Variants in GRIN1 observed in about 807,000 individuals in gnomAD.
GRIN1 encodes the protein glutamate ionotropic receptor NMDA type subunit 1.
In GRIN1, 38 loss-of-function variants were observed where a neutral mutation model predicts 103.0. The observed-to-expected ratio is 0.37, with a 90% CI of 0.28 to 0.48. The LOEUF is 0.48. Among genes scored for constraint, GRIN1 ranks in the 20% least tolerant of loss-of-function variants. GRIN1 has a pLI of 0.98. For synonymous variants in GRIN1, 544 were observed against 532.7 expected, an observed-to-expected ratio of 1.02 and a Z score of -0.29; for missense variants, 577 against 1,288.9, an observed-to-expected ratio of 0.45 and a Z score of 8.46.
At chr9:137,158,291 GAGCAGGGAGAAGC>G in intron 6 of GRIN1, 75 bp from the exon 7 acceptor site, 1 of 1,423,056 alleles carries the variant, frequency 7.0e-7, no homozygotes, top group Non-Finnish European at 9.9e-7. Flanking sequence ...CAGGGGGAAG[GAGCAGGGAGAAGC>G]AGCAGGGGGA....
rs373474323 is a variant in GRIN1 at position 137,155,667 on chromosome 9, G to A, written c.672-1002G>A. ...CCCTGCAGAGAAAGGTCTGACAGAC[G>A]GGGGTGAGGGAAGACCCCCCAAAGG... On this transcript the variant is annotated intron_variant, in intron 4 of 19. Transcript: ENST00000371561. 5.3e-5 allele frequency among the ~76,000 whole-genome samples: 8 copies of A among 152,316 alleles called. No homozygotes were observed. The South Asian group carries it at 8.3e-4, about 16-fold the overall frequency.
rs898374841 is a variant in GRIN1, at chr9:137,164,230, C to T, written c.2589+326C>T. The T allele has an allele frequency of 5.4e-4, 231 of 428,744 alleles. 1 individual carries two copies. The highest frequency in any genetic ancestry group is 2.6e-4 in the Non-Finnish European group (58 of 227,346). 26.6% of individuals were successfully genotyped at this position (428,744 alleles called of 1,614,324 possible). On this transcript the variant is annotated intron_variant, in intron 18 of 19. Coordinates refer to ENST00000371561, the MANE Select transcript of GRIN1 (RefSeq NM_007327.4). ...AATCAGGCAGGGTAAGACAGGGGCC[C>T]GCCTGTGTATGGCACGTGAGTCCAA...
At chr9:137,142,832 C>G (rs573097811) in intron 2 of GRIN1, among the ~76,000 whole-genome samples, 2 of 152,162 alleles carry the variant, frequency 1.3e-5, no homozygotes, top group Admixed American at 1.3e-4. Flanking sequence ...CTGGGGGCTT[C>G]CAGCCTCTAG....
rs1444344405 is a variant in GRIN1 at position 137,168,040 on chromosome 9, G to A, written c.*513G>A. On this transcript the variant is annotated 3_prime_UTR_variant, in exon 20 of 20. Transcript: ENST00000371561. ...GTGCGGACCGGAGCGGCTGAGGACG[G>A]GGCAGAGCTGAGTCGGCTGGGCAGG... 3.2e-6 allele frequency: 2 copies of A among 633,372 alleles called. No homozygotes were observed. The highest frequency in any genetic ancestry group is 5.6e-6 in the Non-Finnish European group (2 of 354,960). 39.2% of individuals were successfully genotyped at this position (633,372 alleles called of 1,614,324 possible). A position where few individuals can be genotyped will look rare whatever the true frequency, so the allele number is the denominator to read the frequency against.
intron 15 of GRIN1, 47 bp downstream of exon 15, chr9:137,163,050 G>T (rs201440873): frequency 4.4e-4 from 683 of 1,557,494 alleles, no homozygotes; most frequent in Non-Finnish European, 5.8e-4. Flanking sequence ...GGTGCGGGGA[G>T]GGGGAGGGTG....
chr9:137,149,745 G>C (rs1832735446), intron 4 of GRIN1, among the ~76,000 whole-genome samples: 1 of 152,200 alleles, frequency 6.6e-6, no homozygotes, highest in South Asian at 2.1e-4. Context: ...GAGTGGGGAA[G>C]GGCAGGGTGA....
chr9:137,167,454 C>A lies in GRIN1; in HGVS notation c.2744C>A (p.Thr915Lys). The part of the protein sequence containing the change: ...GRGALQNQKD[T>K]VLPRRAIERE... ...GGCGCTTTGCAAAACCAAAAAGACA[C>A]AGTGCTGCCGCGACGCGCTATTGAG... Residue 915 changes from threonine to lysine, a missense_variant, in exon 20 of 20, where the codon ACA (threonine) becomes AAA (lysine). Coordinates refer to ENST00000371561, the MANE Select transcript of GRIN1 (RefSeq NM_007327.4). The A allele has an allele frequency of 6.4e-7, 1 of 1,560,082 alleles. No homozygotes were observed.
intron 4 of GRIN1, among the ~76,000 whole-genome samples, chr9:137,152,068 T>C (rs986145077): frequency 2.6e-5 from 4 of 151,614 alleles, no homozygotes; most frequent in East Asian, 3.9e-4. Flanking sequence ...CACCACGCCC[T>C]GCTACTTTTT....
intron 6 of GRIN1, among the ~76,000 whole-genome samples, chr9:137,157,446 C>T (rs1009517324): frequency 6.6e-6 from 1 of 152,172 alleles, no homozygotes; most frequent in Admixed American, 6.5e-5. Flanking sequence ...GGGACTGGCT[C>T]CACTGCCTCC....
chr9:137,165,164 C>T, intron 18 of GRIN1, 22 bp from the exon 19 acceptor site: 1 of 1,514,218 alleles, frequency 6.6e-7, no homozygotes, highest in Non-Finnish European at 9.2e-7. Context: ...GCCATCTAAT[C>T]ACTTATACAT....
intron 7 of GRIN1, 21 bp downstream of exon 7, chr9:137,158,544 G>A: frequency 6.2e-7 from 1 of 1,611,028 alleles, no homozygotes; most frequent in Non-Finnish European, 8.5e-7. Context: ...GTCATGAGGG[G>A]GTGGGGGCTG....
intron 10 of GRIN1, 118 bp from the exon 11 acceptor site, chr9:137,161,806 G>C: frequency 9.5e-7 from 1 of 1,051,670 alleles, no homozygotes; most frequent in East Asian, 2.6e-5. Flanking sequence ...CCTGCGAGCT[G>C]GGTAGGGTCT....
chr9:137,164,892 C>T (rs1833782056), intron 18 of GRIN1: 1 of 443,442 alleles, frequency 2.3e-6, no homozygotes, highest in Admixed American at 3.5e-5. Context: ...CCTCGGGACG[C>T]CTGTAAGCCA....
intron 4 of GRIN1, among the ~76,000 whole-genome samples, chr9:137,155,706 A>G (rs1833179894): frequency 1.3e-5 from 2 of 152,194 alleles, no homozygotes; most frequent in South Asian, 4.1e-4. Context: ...CCAGAGTCCC[A>G]CCAGGTCTCC....
In GRIN1 at chr9:137,168,503, G is replaced by C. The variant is rs890384752; in HGVS notation, c.*976G>C. Reference sequence around the variant, plus strand: ...CCCGGGGGTCCCCGGACGCTGGCTCGGGACTGTCTTCAACCCTGCCCTGCA... The same window carrying C: ...CCCGGGGGTCCCCGGACGCTGGCTCCGGACTGTCTTCAACCCTGCCCTGCA... On this transcript the variant is annotated 3_prime_UTR_variant, in exon 20 of 20. Transcript: ENST00000371561. 1 of 210,188 alleles carries C rather than the reference G, an allele frequency of 4.8e-6. No homozygotes were observed. The highest frequency in any genetic ancestry group is 5.9e-5 in the Admixed American group (1 of 16,828). 13.0% of individuals were successfully genotyped at this position (210,188 alleles called of 1,614,324 possible). A position where few individuals can be genotyped will look rare whatever the true frequency, so the allele number is the denominator to read the frequency against.
rs2131279599 is a variant in GRIN1, at chr9:137,158,410, G to A, written c.1000G>A (p.Val334Met). 6.2e-7 allele frequency: 1 copy of A among 1,613,584 alleles called. No individual in the cohort carries two copies. The highest frequency in any genetic ancestry group is 1.3e-5 in the African/African-American group (1 of 75,038). The change falls in exon 7 of 20, where the codon GTG becomes ATG. Residue 334 changes from valine to methionine, a missense_variant. Val to Met is a conservative substitution (Grantham distance 21). Transcript: ENST00000371561. The part of the protein sequence containing the change: ...VLMSSKYADG[V>M]TGRVEFNEDG... Reference sequence around the variant, plus strand: ...GATGTCTTCCAAGTATGCGGATGGGGTGACTGGTCGCGTGGAGTTCAATGA... The same window carrying A: ...GATGTCTTCCAAGTATGCGGATGGGATGACTGGTCGCGTGGAGTTCAATGA...
intron 19 of GRIN1, 102 bp from the exon 20 acceptor site, chr9:137,167,309 T>C: frequency 1.1e-6 from 1 of 896,086 alleles, no homozygotes; most frequent in Non-Finnish European, 1.8e-6. Flanking sequence ...CCTGCCCCTG[T>C]CCTGTGGCCG....
At chr9:137,141,937 G>T (rs1832193749) in intron 1 of GRIN1, 76 bp from the exon 2 acceptor site, 2 of 1,523,968 alleles carry the variant, frequency 1.3e-6, no homozygotes. Context: ...AGCCCCTGCT[G>T]CTTCCAGATC....
chr9:137,152,552 C>A (rs1034398321), intron 4 of GRIN1, among the ~76,000 whole-genome samples: 2 of 152,198 alleles, frequency 1.3e-5, no homozygotes, highest in African/African-American at 2.4e-5. Flanking sequence ...TGCCCAGGTC[C>A]CCACAGAGAG....
Sources: allele counts gnomAD v4.1 joint callset (sites outside exome capture counted in the v4.1 genomes callset), GRCh38; gene constraint gnomAD v4.1.1; transcripts MANE v1.5; gene names NCBI Gene and HGNC (gene_info 2026-07-23, HGNC 2026-07-21).